Variants in PDE1C observed in about 807,000 individuals in gnomAD.
PDE1C encodes phosphodiesterase 1C, also known as dual specificity calcium/calmodulin-dependent 3',5'-cyclic nucleotide phosphodiesterase 1C.
Under a neutral mutation model 93.1 loss-of-function variants are expected in PDE1C, and 62 were observed. That is an observed-to-expected ratio of 0.67 (90% CI 0.54 to 0.82). The LOEUF (loss-of-function observed/expected upper bound fraction) is 0.82, where lower values mean the gene tolerates loss of function less well. Among genes scored for constraint, PDE1C ranks in the 40% least tolerant of loss-of-function variants. The pLI is 0.00. For missense variants in PDE1C, 742 were observed against 884.6 expected, an observed-to-expected ratio of 0.84 and a Z score of 2.04; for synonymous variants, 325 against 310.1, an observed-to-expected ratio of 1.05 and a Z score of -0.50.
upstream of PDE1C, chr7:32,071,219 C>CG: frequency 1.0e-6 from 1 of 985,452 alleles, no homozygotes; most frequent in Non-Finnish European, 1.2e-6. Flanking sequence ...AACAAGAGCT[C>CG]GGCTCCGCGC....
chr7:32,362,019 T>C (rs1344206305), intron 1 of PDE1C, among the ~76,000 whole-genome samples: 1 of 152,186 alleles, frequency 6.6e-6, no homozygotes, highest in African/African-American at 2.4e-5. Context: ...CAAGTTAACA[T>C]GCACTTTCAA....
At chr7:32,066,769 G>T (rs891037339) in intron 1 of PDE1C, among the ~76,000 whole-genome samples, 2 of 149,924 alleles carry the variant, frequency 1.3e-5, no homozygotes, top group Middle Eastern at 6.8e-3. Flanking sequence ...AATTCAGAGG[G>T]ACTCAAAAAC....
chr7:32,115,681 G>T (rs1798948376), intron 3 of PDE1C, among the ~76,000 whole-genome samples: 1 of 152,112 alleles, frequency 6.6e-6, no homozygotes, highest in Non-Finnish European at 1.5e-5. Context: ...TAGACAATCT[G>T]CCAAATAGTT....
In PDE1C at chr7:32,066,658, C is replaced by T. The variant is rs563122910; in HGVS notation, c.101+3635G>A. On this transcript the variant is annotated intron_variant, in intron 1 of 17. Transcript: ENST00000396191. ...ACCCAATTGCTCAAACCCAAGGAGCCCTATGAGGCTTCATCAGGGGTATAT... is the reference window on the plus strand; with the variant it reads ...ACCCAATTGCTCAAACCCAAGGAGCTCTATGAGGCTTCATCAGGGGTATAT... 3.9e-5 allele frequency among the ~76,000 whole-genome samples: 6 copies of T among 152,054 alleles called. No individual in the cohort carries two copies. In the East Asian group the frequency reaches 9.7e-4, roughly 25 times the overall value.
chr7:32,101,437 T>C (rs1424871104), intron 3 of PDE1C, among the ~76,000 whole-genome samples: 1 of 152,152 alleles, frequency 6.6e-6, no homozygotes, highest in Non-Finnish European at 1.5e-5. Flanking sequence ...ATGTTGGAAG[T>C]GGGTCTGGTG....
chr7:31,772,923 G>T (rs998962623), intron 17 of PDE1C, among the ~76,000 whole-genome samples: 5 of 152,222 alleles, frequency 3.3e-5, no homozygotes, highest in Non-Finnish European at 7.3e-5. Context: ...GCATGCATGG[G>T]CAGGGGCCCC....
At chr7:31,744,900 G>T in the PDE1C span, among the ~76,000 whole-genome samples, 1 of 152,162 alleles carries the variant, frequency 6.6e-6, no homozygotes, top group Non-Finnish European at 1.5e-5. Flanking sequence ...AAGGCTCTAA[G>T]GGCTGGAGCT....
At chr7:31,962,766 C>T (rs1196834851) in intron 2 of PDE1C, among the ~76,000 whole-genome samples, 1 of 152,192 alleles carries the variant, frequency 6.6e-6, no homozygotes, top group Non-Finnish European at 1.5e-5. Flanking sequence ...AATTCCACTC[C>T]TGCACATTAG....
At chr7:31,913,317 A>C (rs1348387207) in intron 2 of PDE1C, among the ~76,000 whole-genome samples, 1 of 152,222 alleles carries the variant, frequency 6.6e-6, no homozygotes, top group African/African-American at 2.4e-5. Context: ...AAATTTCAGC[A>C]TTTCTTAACA....
At chr7:32,140,600 C>T (rs1040204282) in intron 3 of PDE1C, among the ~76,000 whole-genome samples, 2 of 152,212 alleles carry the variant, frequency 1.3e-5, no homozygotes, top group Non-Finnish European at 2.9e-5. Context: ...GGCTTTGAAG[C>T]GGAAACTCTA....
chr7:31,746,085 G>T, the PDE1C span, among the ~76,000 whole-genome samples: 1 of 152,024 alleles, frequency 6.6e-6, no homozygotes, highest in Admixed American at 6.6e-5. Flanking sequence ...AGTGGAGAAT[G>T]CACATGTTGG....
intron 1 of PDE1C, among the ~76,000 whole-genome samples, chr7:32,388,678 T>TAA (rs5883343): frequency 0.13 from 10,869 of 81,434 alleles, 1,137 homozygotes; most frequent in African/African-American, 0.18. Flanking sequence ...GTCCCATTTC[T>TAA]AAAAAAAAAA....
intron 1 of PDE1C, among the ~76,000 whole-genome samples, chr7:32,395,319 CTG>C (rs1784822160): frequency 6.6e-6 from 1 of 152,032 alleles, no homozygotes; most frequent in Non-Finnish European, 1.5e-5. Context: ...GGAAGGCTTC[CTG>C]GAGGAGGTGA....
chr7:32,362,165 GAAGA>G (rs1784148601), intron 1 of PDE1C, among the ~76,000 whole-genome samples: 1 of 152,308 alleles, frequency 6.6e-6, no homozygotes, highest in East Asian at 1.9e-4. Context: ...CAGATGGAGA[GAAGA>G]AAGATGTCCC....
chr7:32,041,105 T>C (rs1399417782), intron 2 of PDE1C, among the ~76,000 whole-genome samples: 1 of 152,120 alleles, frequency 6.6e-6, no homozygotes, highest in Non-Finnish European at 1.5e-5. Flanking sequence ...CTAAGGACTT[T>C]CCACACACCA....
At chr7:32,062,429 A>T (rs971529596) in intron 1 of PDE1C, among the ~76,000 whole-genome samples, 1 of 151,814 alleles carries the variant, frequency 6.6e-6, no homozygotes, top group Non-Finnish European at 1.5e-5. Flanking sequence ...GCCTTCTTTC[A>T]TTTTCTCAGA....
the PDE1C span, among the ~76,000 whole-genome samples, chr7:31,638,271 G>A: frequency 2.6e-5 from 4 of 152,274 alleles, no homozygotes; most frequent in East Asian, 1.9e-4. Flanking sequence ...AGGCAGTGAA[G>A]TCTTAAATAT....
intron 17 of PDE1C, among the ~76,000 whole-genome samples, chr7:31,770,931 A>T (rs1305587260): frequency 6.6e-6 from 1 of 152,164 alleles, no homozygotes; most frequent in Non-Finnish European, 1.5e-5. Context: ...TTCTACCTTG[A>T]ACTTATACTA....
chr7:32,395,090 C>T lies in PDE1C; in HGVS notation c.310+32732G>A, dbSNP rs535669938. Among the ~76,000 whole-genome samples the T allele has an allele frequency of 5.9e-5, 9 of 152,208 alleles. No individual in the cohort carries two copies. The South Asian group carries it at 6.2e-4, about 11-fold the overall frequency. The stretch of plus-strand genomic sequence containing the variant: ...ACGGCAAAATGAATTGAGACAACTG[C>T]GATATGGAAAAGGTGAGAAATCTGG... On this transcript the variant is annotated intron_variant, in intron 1 of 1. Transcript: ENST00000672256.
Sources: allele counts gnomAD v4.1 joint callset (sites outside exome capture counted in the v4.1 genomes callset), GRCh38; gene constraint gnomAD v4.1.1; transcripts MANE v1.5; gene names NCBI Gene and HGNC (gene_info 2026-07-23, HGNC 2026-07-21).